The following DEPDC1 variants were observed in gnomAD, a reference collection of about 807,000 sequenced individuals.
DEPDC1 encodes the protein DEP domain-containing protein 1A.
DEPDC1 carries 66 observed loss-of-function variants against 86.8 expected under a neutral mutation model. That is an observed-to-expected ratio of 0.76 (90% CI 0.62 to 0.93). The LOEUF is 0.93. DEPDC1 is among the 40% of genes least tolerant of loss of function. The pLI, the probability that DEPDC1 is intolerant of heterozygous loss-of-function variation, is 0.00. For synonymous variants in DEPDC1, 255 were observed against 314.9 expected (o/e 0.81, Z 2.02); for missense variants, 792 against 935.7 (o/e 0.85, Z 2.00).
rs1476541421 is a variant in DEPDC1 at position 68,475,979 on chromosome 1, G to A, written c.*953C>T. ...CATATAGGCTGTTTTAAAATTCCTCGGGTGAGTCTAATGTGTACCAGTTTG... is the reference window on the plus strand; with the variant it reads ...CATATAGGCTGTTTTAAAATTCCTCAGGTGAGTCTAATGTGTACCAGTTTG... On this transcript the variant is annotated 3_prime_UTR_variant, in exon 12 of 12. Coordinates refer to ENST00000456315, the MANE Select transcript of DEPDC1 (RefSeq NM_001114120.3). The A allele has an allele frequency of 2.0e-5, 3 of 151,620 alleles. No individual in the cohort carries two copies. The highest frequency in any genetic ancestry group is 4.4e-5 in the Non-Finnish European group (3 of 67,742). 9.4% of individuals were successfully genotyped at this position (151,620 alleles called of 1,614,324 possible).
intron 3 of DEPDC1, 41 bp from the exon 4 acceptor site, chr1:68,489,075 A>AT (rs766298362): frequency 8.2e-7 from 1 of 1,224,554 alleles, no homozygotes; most frequent in South Asian, 1.2e-5. Flanking sequence ...TTATGCTCAA[A>AT]TTTTTTAAAT....
intron 10 of DEPDC1, 80 bp from the exon 11 acceptor site, chr1:68,478,052 G>C: frequency 2.0e-6 from 2 of 1,014,298 alleles, no homozygotes; most frequent in Non-Finnish European, 2.7e-6. Flanking sequence ...ATGGGATCTA[G>C]CACCTATTAA....
chr1:68,494,229 C>T (rs1571206865), intron 2 of DEPDC1, among the ~76,000 whole-genome samples: 1 of 152,124 alleles, frequency 6.6e-6, no homozygotes, highest in Non-Finnish European at 1.5e-5. Context: ...TATATGCTAA[C>T]ACTTAAAAAC....
rs1646251713 is a variant in DEPDC1, at chr1:68,494,562, C to T, written c.182G>A (p.Ser61Asn). 6.2e-7 allele frequency: 1 copy of T among 1,613,650 alleles called. No individual in the cohort carries two copies. Among genetic ancestry groups the T allele is most frequent in the African/African-American group, 1.3e-5 (1 of 74,902 alleles). Residue 61 changes from serine (S) to asparagine (N), a missense_variant, in exon 2 of 12, where the codon AGC becomes AAC. Ser to Asn is a conservative substitution (Grantham distance 46). Transcript: ENST00000456315. ...DWLYDLLRNN[S>N]NFGPEVTRQQ... ...CCTTGTAACTTCAGGACCAAAATTGCTATTATTTCTTAATAGGTCATAAAG... is the reference window on the plus strand; with the variant it reads ...CCTTGTAACTTCAGGACCAAAATTGTTATTATTTCTTAATAGGTCATAAAG...
intron 7 of DEPDC1, 126 bp from the exon 8 acceptor site, chr1:68,483,023 A>G (rs1211359828): frequency 9.8e-7 from 1 of 1,021,250 alleles, no homozygotes; most frequent in Admixed American, 2.8e-5. Flanking sequence ...TAGTATACAC[A>G]GTAGTTGCTT....
intron 5 of DEPDC1, among the ~76,000 whole-genome samples, chr1:68,488,109 T>C (rs1173059672): frequency 6.6e-6 from 1 of 151,870 alleles, no homozygotes; most frequent in Admixed American, 6.6e-5. Flanking sequence ...TTTTCTTATA[T>C]TTGTATACCT....
rs531001448 is a variant in DEPDC1 at position 68,489,331 on chromosome 1, T to C, written c.471+121A>G. 2.6e-4 allele frequency: 165 copies of C among 646,554 alleles called. No homozygotes were observed. In the South Asian group the frequency reaches 4.1e-3, roughly 16 times the overall value. The allele number at this position is 646,554 out of a possible 1,614,324, so 40.1% of individuals were successfully genotyped here. ...TTATATATACATATTTAGAATGTAATGTAGGTTAGGAGGTTTCAGTTCTGG... is the reference window on the plus strand; with the variant it reads ...TTATATATACATATTTAGAATGTAACGTAGGTTAGGAGGTTTCAGTTCTGG... On this transcript the variant is annotated intron_variant, in intron 3 of 11. Transcript: ENST00000456315.
At position 68,475,275 on chromosome 1, in the gene DEPDC1, CTTTATTA is replaced by C. The variant is rs1646107530; in HGVS notation, c.*1650_*1656del. 1 of 151,762 alleles carries C rather than the reference CTTTATTA, an allele frequency of 6.6e-6. No individual in the cohort carries two copies. Among genetic ancestry groups the C allele is most frequent in the East Asian group, 1.9e-4 (1 of 5,182 alleles). The allele number at this position is 151,762 out of a possible 1,614,324, so 9.4% of individuals were successfully genotyped here. On this transcript the variant is annotated 3_prime_UTR_variant, in exon 12 of 12. Transcript: ENST00000456315. ...ATTAGTGCAAATGAAAGTTGCCTGCCTTTATTATTTATATATTTGTCTATAATACAAA... is the reference window on the plus strand; with the variant it reads ...ATTAGTGCAAATGAAAGTTGCCTGCCTTTATATATTTGTCTATAATACAAA...
chr1:68,481,411 C>G (rs376927557), intron 9 of DEPDC1, 29 bp downstream of exon 9: 143 of 1,587,394 alleles, frequency 9.0e-5, no homozygotes, highest in Non-Finnish European at 1.2e-4. Flanking sequence ...ATGAATCAGA[C>G]TTATTCTTTC....
chr1:68,481,573 G>C lies in DEPDC1; in HGVS notation c.1802C>G (p.Ala601Gly). 6.2e-7 allele frequency: 1 copy of C among 1,609,378 alleles called. No homozygotes were observed. Among genetic ancestry groups the C allele is most frequent in the Non-Finnish European group, 8.5e-7 (1 of 1,177,470 alleles). Reference protein sequence around the residue: ...QPHLERVAIDALQLCCLLLPP... With the variant: ...QPHLERVAIDGLQLCCLLLPP... ...AAGTAACAAACAACATAACTGTAGA[G>C]CATCGATGGCAACCCTCTCTAAATG... The change falls in exon 9 of 12, where the codon GCT becomes GGT. Residue 601 changes from alanine to glycine, a missense_variant. Ala to Gly is a moderately conservative substitution (Grantham distance 60). Transcript: ENST00000456315.
chr1:68,477,999 T>A (rs781770327), intron 10 of DEPDC1, 27 bp from the exon 11 acceptor site: 1 of 1,442,296 alleles, frequency 6.9e-7, no homozygotes, highest in Admixed American at 2.4e-5. Context: ...GATATAACTC[T>A]GTTAATTCTG....
chr1:68,487,579 A>T (rs1332707830), intron 5 of DEPDC1, among the ~76,000 whole-genome samples: 1 of 151,978 alleles, frequency 6.6e-6, no homozygotes, highest in Non-Finnish European at 1.5e-5. Flanking sequence ...GTAATGGAAG[A>T]AGGGACTGGT....
At chr1:68,492,422 A>G (rs1646236027) in intron 2 of DEPDC1, among the ~76,000 whole-genome samples, 1 of 152,044 alleles carries the variant, frequency 6.6e-6, no homozygotes, top group African/African-American at 2.4e-5. Flanking sequence ...AAAGACTAGG[A>G]GAGGCCGGGC....
At chr1:68,479,465 A>AC in intron 9 of DEPDC1, 145 bp from the exon 10 acceptor site, 1 of 570,452 alleles carries the variant, frequency 1.8e-6, no homozygotes, top group Non-Finnish European at 3.0e-6. Flanking sequence ...AACGATTTAT[A>AC]CAGTTAGAAA....
chr1:68,487,117 G>T, intron 5 of DEPDC1, 133 bp from the exon 6 acceptor site: 1 of 642,772 alleles, frequency 1.6e-6, no homozygotes, highest in Non-Finnish European at 2.4e-6. Flanking sequence ...GTATATGTGT[G>T]TATTACCAGG....
rs1038156003 is a variant in DEPDC1, at chr1:68,496,484, T to C, written c.48+468A>G. On this transcript the variant is annotated intron_variant, in intron 1 of 11. Transcript: ENST00000456315. The surrounding 1 kb of genome is among the most constrained non-coding windows in gnomAD (Gnocchi z 4.0). ...TGTTATCCTAGTGCTATTCGGCCGATACATCCTGCGTTAAATTCTATGGGT... is the reference window on the plus strand; with the variant it reads ...TGTTATCCTAGTGCTATTCGGCCGACACATCCTGCGTTAAATTCTATGGGT... Among the ~76,000 whole-genome samples, 1 of 152,240 alleles carries C rather than the reference T, an allele frequency of 6.6e-6. No individual in the cohort carries two copies. The highest frequency in any genetic ancestry group is 1.5e-5 in the Non-Finnish European group (1 of 68,046).
In DEPDC1 at chr1:68,496,863, G is replaced by T; in HGVS notation, c.48+89C>A. The stretch of plus-strand genomic sequence containing the variant: ...CCTGGGACTCATCCCTCCGACCGAG[G>T]TAAAACTGCGAACGGTCGAGGTAAA... On this transcript the variant is annotated intron_variant, in intron 1 of 11. Transcript: ENST00000456315. This position sits in a 1 kb window ranked among gnomAD's most constrained non-coding sequence, Gnocchi z 4.0. 7.3e-7 allele frequency: 1 copy of T among 1,377,322 alleles called. No individual in the cohort carries two copies. Among genetic ancestry groups the T allele is most frequent in the Non-Finnish European group, 1.0e-6 (1 of 978,720 alleles). The allele number at this position is 1,377,322 out of a possible 1,614,324, so 85.3% of individuals were successfully genotyped here.
rs193222816 is a variant in DEPDC1 at position 68,474,579 on chromosome 1, T to G, written c.*2353A>C. 2 of 151,944 alleles carry G rather than the reference T, an allele frequency of 1.3e-5. No individual in the cohort carries two copies. Among genetic ancestry groups the G allele is most frequent in the Non-Finnish European group, 2.9e-5 (2 of 67,976 alleles). 9.4% of individuals were successfully genotyped at this position (151,944 alleles called of 1,614,324 possible). On this transcript the variant is annotated 3_prime_UTR_variant, in exon 12 of 12. Coordinates refer to ENST00000456315, the MANE Select transcript of DEPDC1 (RefSeq NM_001114120.3). ...TTCCCACAATTAGGCTTTTTCACAC[T>G]TTCTCTCTTTAAATGTGCAACACCT...
At chr1:68,479,444 A>T (rs754865096) in intron 9 of DEPDC1, 124 bp from the exon 10 acceptor site, 70 of 642,612 alleles carry the variant, frequency 1.1e-4, no homozygotes, top group Non-Finnish European at 1.8e-4. Context: ...CCTCAGTTTA[A>T]AAATGAGGAC....
Sources: allele counts gnomAD v4.1 joint callset (sites outside exome capture counted in the v4.1 genomes callset), GRCh38; gene constraint gnomAD v4.1.1; non-coding constraint Gnocchi (gnomAD v3.1); transcripts MANE v1.5; gene names NCBI Gene and HGNC (gene_info 2026-07-23, HGNC 2026-07-21).